The following ADAMTS19 variants were observed in gnomAD, a reference collection of about 807,000 sequenced individuals.
ADAMTS19 encodes ADAM metallopeptidase with thrombospondin type 1 motif 19, also known as A disintegrin and metalloproteinase with thrombospondin motifs 19.
A neutral mutation model predicts 153.3 loss-of-function variants in ADAMTS19; 93 were observed. That is an observed-to-expected ratio of 0.61 (90% CI 0.51 to 0.72). The LOEUF is 0.72. Among genes scored for constraint, ADAMTS19 ranks in the 30% least tolerant of loss-of-function variants. The probability of loss-of-function intolerance (pLI) is 0.00; values close to 1 mark genes in which losing one functional copy is unlikely to be tolerated. For synonymous variants in ADAMTS19, 600 were observed against 556.6 expected (o/e 1.08, Z -1.10); for missense variants, 1,482 against 1,552.1 (o/e 0.95, Z 0.76).
intron 3 of ADAMTS19, among the ~76,000 whole-genome samples, chr5:129,521,647 AG>A (rs1264401937): frequency 1.3e-5 from 2 of 152,184 alleles, no homozygotes; most frequent in African/African-American, 4.8e-5. Flanking sequence ...TACTTCGTCT[AG>A]CTTCTAGCCT....
At chr5:129,528,908 C>T (rs1752106367) in intron 6 of ADAMTS19, among the ~76,000 whole-genome samples, 1 of 151,914 alleles carries the variant, frequency 6.6e-6, no homozygotes. Context: ...AAAAATTACC[C>T]AAAATTTTTG....
intron 21 of ADAMTS19, among the ~76,000 whole-genome samples, chr5:129,710,063 C>A (rs909724829): frequency 3.4e-4 from 51 of 151,942 alleles, no homozygotes; most frequent in Non-Finnish European, 5.3e-4. Context: ...GCCGCACTAT[C>A]AGCCCATCAC....
intron 21 of ADAMTS19, among the ~76,000 whole-genome samples, chr5:129,727,238 G>A (rs1220824307): frequency 2.6e-5 from 4 of 152,090 alleles, no homozygotes; most frequent in African/African-American, 4.8e-5. Context: ...AGTTTATCCA[G>A]GACTGTCCCA....
At chr5:129,567,275 T>C (rs1179422033) in intron 7 of ADAMTS19, among the ~76,000 whole-genome samples, 1 of 152,134 alleles carries the variant, frequency 6.6e-6, no homozygotes, top group African/African-American at 2.4e-5. Flanking sequence ...TAAATAAGTC[T>C]CCTAATGTTA....
intron 21 of ADAMTS19, among the ~76,000 whole-genome samples, chr5:129,719,113 G>C (rs1399399784): frequency 6.6e-6 from 1 of 152,050 alleles, no homozygotes; most frequent in Admixed American, 6.6e-5. Flanking sequence ...AAAACAGACT[G>C]CTGTTAGTTG....
chr5:129,658,331 AAGAAAG>A (rs1561632302), intron 14 of ADAMTS19, among the ~76,000 whole-genome samples: 3 of 93,452 alleles, frequency 3.2e-5, no homozygotes, highest in East Asian at 4.5e-4. Flanking sequence ...GAAAGAAAGA[AAGAAAG>A]AAAGAAAGAA....
intron 6 of ADAMTS19, among the ~76,000 whole-genome samples, chr5:129,551,454 T>G (rs1753092759): frequency 6.6e-6 from 1 of 151,762 alleles, no homozygotes; most frequent in Non-Finnish European, 1.5e-5. Flanking sequence ...TGTTTTAAGT[T>G]GTATTTCTTA....
chr5:129,560,895 A>G (rs1753488239), intron 7 of ADAMTS19, among the ~76,000 whole-genome samples: 1 of 152,178 alleles, frequency 6.6e-6, no homozygotes, highest in Non-Finnish European at 1.5e-5. Context: ...AGAGATGTTC[A>G]GATTGTCTGT....
At chr5:129,574,472 T>A (rs1754029879) in intron 7 of ADAMTS19, among the ~76,000 whole-genome samples, 2 of 151,976 alleles carry the variant, frequency 1.3e-5, no homozygotes, top group African/African-American at 4.8e-5. Flanking sequence ...CCTCTCTGTG[T>A]CAATGTGTTC....
At chr5:129,485,459 A>C (rs919313489) in intron 2 of ADAMTS19, among the ~76,000 whole-genome samples, 1 of 152,094 alleles carries the variant, frequency 6.6e-6, no homozygotes, top group African/African-American at 2.4e-5. Flanking sequence ...GAATAAAGGA[A>C]ATAATATAGA....
At chr5:129,715,752 T>G (rs1756696037) in intron 21 of ADAMTS19, among the ~76,000 whole-genome samples, 1 of 152,150 alleles carries the variant, frequency 6.6e-6, no homozygotes, top group African/African-American at 2.4e-5. Flanking sequence ...GTGAATTCTA[T>G]TTTGGACTAT....
At chr5:129,734,842 C>T in intron 21 of ADAMTS19, 90 bp from the exon 22 acceptor site, 2 of 1,160,674 alleles carry the variant, frequency 1.7e-6, no homozygotes, top group Non-Finnish European at 1.2e-6. Context: ...TTTTAAGAAA[C>T]ATTTAGAGAA....
chr5:129,568,870 C>A (rs114257529), intron 7 of ADAMTS19, among the ~76,000 whole-genome samples: 13,044 of 150,204 alleles, frequency 0.087, 634 homozygotes, highest in Middle Eastern at 0.16. Context: ...AAAAAATATT[C>A]AAAAAAAATA....
intron 2 of ADAMTS19, among the ~76,000 whole-genome samples, chr5:129,504,116 TTC>T (rs1751193367): frequency 6.6e-6 from 1 of 152,214 alleles, no homozygotes; most frequent in Non-Finnish European, 1.5e-5. Context: ...TTATTTTATT[TTC>T]TGGCTATATT....
intron 16 of ADAMTS19, among the ~76,000 whole-genome samples, chr5:129,668,663 G>T (rs1376191039): frequency 6.6e-6 from 1 of 151,836 alleles, no homozygotes; most frequent in Non-Finnish European, 1.5e-5. Flanking sequence ...TTATGGGGGG[G>T]GACACAAATA....
At chr5:129,470,594 A>C (rs778286014) in intron 2 of ADAMTS19, among the ~76,000 whole-genome samples, 73 of 152,334 alleles carry the variant, frequency 4.8e-4, no homozygotes, top group Non-Finnish European at 4.0e-4. Context: ...GAGCTTAGCC[A>C]TTCCAGTGCT....
rs73785221 is a variant in ADAMTS19 at position 129,610,048 on chromosome 5, A to G, written c.1479-10570A>G. On this transcript the variant is annotated intron_variant, in intron 8 of 22. Transcript: ENST00000274487. ...TAATTAAAGGAAGTAAAAAGAAAATATAACAACTTCTGTTCTCTGAATGCT... is the reference window on the plus strand; with the variant it reads ...TAATTAAAGGAAGTAAAAAGAAAATGTAACAACTTCTGTTCTCTGAATGCT... Among the ~76,000 whole-genome samples the G allele has an allele frequency of 3.6e-3, 547 of 151,784 alleles. 2 individuals carry two copies. Among genetic ancestry groups the G allele is most frequent in the African/African-American group, 0.012 (515 of 41,382 alleles).
intron 8 of ADAMTS19, among the ~76,000 whole-genome samples, chr5:129,618,056 G>C (rs1178969093): frequency 6.6e-6 from 1 of 151,938 alleles, no homozygotes; most frequent in Non-Finnish European, 1.5e-5. Flanking sequence ...TAACAAATAA[G>C]GCAACTGAGG....
chr5:129,490,990 G>A (rs777236953), intron 2 of ADAMTS19, among the ~76,000 whole-genome samples: 91 of 151,986 alleles, frequency 6.0e-4, no homozygotes, highest in Non-Finnish European at 9.9e-4. Context: ...GAGATAATGT[G>A]GAATTGCCCC....
Sources: gnomAD v4.1 joint callset for allele counts (sites outside exome capture counted in the v4.1 genomes callset) on GRCh38, gnomAD v4.1.1 for gene constraint, MANE v1.5 for transcripts, NCBI Gene and HGNC (gene_info 2026-07-23, HGNC 2026-07-21) for gene names.